SDK1: variants seen among roughly 807,000 people sequenced by gnomAD.
SDK1 encodes sidekick cell adhesion molecule 1.
A neutral mutation model predicts 245.5 loss-of-function variants in SDK1; 157 were observed. The observed-to-expected ratio is 0.64, with a 90% CI of 0.56 to 0.73. SDK1 has a LOEUF of 0.73. Ranked by LOEUF, SDK1 falls within the 30% of genes least tolerant of loss-of-function variation. The probability of loss-of-function intolerance (pLI) is 0.00; values close to 1 mark genes in which losing one functional copy is unlikely to be tolerated. For missense variants in SDK1, 3,583 were observed against 3,002.3 expected (o/e 1.19, Z -4.52); for synonymous variants, 1,647 against 1,278.5 (o/e 1.29, Z -6.15).
At chr7:3,655,501 A>ATATATGTATGTATG (rs1554303530) in intron 4 of SDK1, among the ~76,000 whole-genome samples, 1 of 52,820 alleles carries the variant, frequency 1.9e-5, no homozygotes, top group African/African-American at 5.7e-5. Flanking sequence ...ATATATATAT[A>ATATATGTATGTATG]TATGTATGTA....
At chr7:3,353,894 C>CT (rs375024474) in intron 1 of SDK1, among the ~76,000 whole-genome samples, 89,407 of 151,958 alleles carry the variant, frequency 0.59, 27,292 homozygotes, top group African/African-American at 0.77. Context: ...TCCTCCTCAT[C>CT]CATGAGGTTG....
At chr7:3,931,747 T>G (rs968362730) in intron 5 of SDK1, among the ~76,000 whole-genome samples, 4 of 152,216 alleles carry the variant, frequency 2.6e-5, no homozygotes, top group Non-Finnish European at 5.9e-5. Flanking sequence ...CCGTGCCGAC[T>G]TATGGGGCGT....
chr7:3,533,294 T>C (rs1278762254), intron 1 of SDK1, among the ~76,000 whole-genome samples: 1 of 152,192 alleles, frequency 6.6e-6, no homozygotes, highest in East Asian at 1.9e-4. Flanking sequence ...CTGAAGGATG[T>C]GAGCTCTACT....
chr7:4,014,523 C>T (rs942089606), intron 16 of SDK1, among the ~76,000 whole-genome samples: 4 of 152,144 alleles, frequency 2.6e-5, no homozygotes, highest in African/African-American at 7.2e-5. Flanking sequence ...TCTCTGTTTG[C>T]GAGTGTGTAT....
At chr7:3,658,786 T>A (rs1055281091) in intron 4 of SDK1, among the ~76,000 whole-genome samples, 2 of 152,016 alleles carry the variant, frequency 1.3e-5, no homozygotes, top group Non-Finnish European at 2.9e-5. Context: ...GACTAATGTT[T>A]TTTGTATTTT....
intron 4 of SDK1, among the ~76,000 whole-genome samples, chr7:3,680,622 T>C (rs1784071448): frequency 6.6e-6 from 1 of 152,190 alleles, no homozygotes; most frequent in Non-Finnish European, 1.5e-5. Flanking sequence ...GGTATCTTCT[T>C]ATGAATTATT....
At chr7:3,644,188 C>T (rs554575870) in intron 4 of SDK1, among the ~76,000 whole-genome samples, 4 of 150,706 alleles carry the variant, frequency 2.7e-5, no homozygotes, top group African/African-American at 7.3e-5. Context: ...AGGCATGAGC[C>T]ACCACTTAAG....
intron 25 of SDK1, among the ~76,000 whole-genome samples, chr7:4,118,469 C>T (rs1214859955): frequency 2.0e-5 from 3 of 152,204 alleles, no homozygotes; most frequent in Admixed American, 6.5e-5. Context: ...AATGCTTGTA[C>T]GTTGCTGGTG....
chr7:3,655,493 A>ATG (rs1275095313), intron 4 of SDK1, among the ~76,000 whole-genome samples: 9 of 65,442 alleles, frequency 1.4e-4, no homozygotes, highest in Non-Finnish European at 2.2e-4. Context: ...ATATATATAT[A>ATG]TATATATATA....
At chr7:4,015,066 A>T (rs964861868) in intron 16 of SDK1, among the ~76,000 whole-genome samples, 6 of 152,152 alleles carry the variant, frequency 3.9e-5, no homozygotes, top group African/African-American at 1.4e-4. Context: ...GCAGTGTTTA[A>T]AAATGTATAT....
At chr7:3,356,701 T>C (rs1019319670) in intron 1 of SDK1, among the ~76,000 whole-genome samples, 18 of 152,186 alleles carry the variant, frequency 1.2e-4, no homozygotes, top group African/African-American at 3.6e-4. Context: ...TTTATTCTGC[T>C]ATTGTTTCCT....
chr7:3,519,726 A>G lies in SDK1; in HGVS notation c.299-99354A>G, dbSNP rs369157998. On this transcript the variant is annotated intron_variant, in intron 1 of 44. Coordinates refer to ENST00000404826, the MANE Select transcript of SDK1 (RefSeq NM_152744.4). Reference sequence around the variant, plus strand: ...AGGATTAGTAATTTTAAATCCATTTATATTTCCACAATAGAGGTTATCATT... The same window carrying G: ...AGGATTAGTAATTTTAAATCCATTTGTATTTCCACAATAGAGGTTATCATT... Among the ~76,000 whole-genome samples, 108 of 152,310 alleles carry G rather than the reference A, an allele frequency of 7.1e-4. 1 individual carries two copies. The highest frequency in any genetic ancestry group is 2.3e-3 in the African/African-American group (95 of 41,590).
intron 5 of SDK1, among the ~76,000 whole-genome samples, chr7:3,942,565 G>A (rs1042609005): frequency 2.6e-5 from 4 of 151,254 alleles, no homozygotes; most frequent in Non-Finnish European, 5.9e-5. Flanking sequence ...TTTAAAATAG[G>A]GTCTTTTTCC....
chr7:3,979,641 G>T (rs1783241091), intron 13 of SDK1, among the ~76,000 whole-genome samples: 1 of 152,140 alleles, frequency 6.6e-6, no homozygotes, highest in Non-Finnish European at 1.5e-5. Flanking sequence ...ACTCCAGATG[G>T]TTCCATGAGG....
intron 1 of SDK1, among the ~76,000 whole-genome samples, chr7:3,490,404 T>A (rs1781831592): frequency 6.6e-6 from 1 of 152,200 alleles, no homozygotes; most frequent in Non-Finnish European, 1.5e-5. Context: ...AGGCACTGTA[T>A]CCGGTGTGAA....
chr7:3,608,119 G>C (rs546644561), intron 1 of SDK1, among the ~76,000 whole-genome samples: 1 of 152,180 alleles, frequency 6.6e-6, no homozygotes, highest in Non-Finnish European at 1.5e-5. Flanking sequence ...TTACTCATCC[G>C]TGCCACACAC....
At chr7:3,725,382 G>A (rs1423449363) in intron 4 of SDK1, among the ~76,000 whole-genome samples, 1 of 152,164 alleles carries the variant, frequency 6.6e-6, no homozygotes. Context: ...ACTTGGCAGA[G>A]GACCTGTTAA....
rs556222368 is a variant in SDK1, at chr7:4,178,827, C to T, written c.5098+241C>T. ...GCTTTTGAGACCTAAAGGGTTTGTT[C>T]GATACCTGGGGCCATCATATTTACT... is the stretch of plus-strand genomic sequence containing the variant. On this transcript the variant is annotated intron_variant, in intron 35 of 44. Coordinates refer to ENST00000404826, the MANE Select transcript of SDK1 (RefSeq NM_152744.4). 1.3e-3 allele frequency among the ~76,000 whole-genome samples: 196 copies of T among 152,322 alleles called. 2 individuals are homozygous for T. The highest frequency in any genetic ancestry group is 4.5e-3 in the African/African-American group (189 of 41,566).
intron 4 of SDK1, among the ~76,000 whole-genome samples, chr7:3,806,046 T>C (rs191732482): frequency 6.6e-6 from 1 of 152,310 alleles, no homozygotes; most frequent in Non-Finnish European, 1.5e-5. Flanking sequence ...GATAATGCCC[T>C]GAGGTCAAAG....
Sources: gnomAD v4.1 joint callset for allele counts (sites outside exome capture counted in the v4.1 genomes callset) on GRCh38, gnomAD v4.1.1 for gene constraint, MANE v1.5 for transcripts, NCBI Gene and HGNC (gene_info 2026-07-23, HGNC 2026-07-21) for gene names.